Variants in CPNE2 observed in about 807,000 individuals in gnomAD.
The protein encoded by CPNE2 is copine 2.
CPNE2 carries 42 observed loss-of-function variants against 69.7 expected under a neutral mutation model. The observed-to-expected ratio is 0.60, with a 90% CI of 0.47 to 0.78. CPNE2 has a LOEUF of 0.78. Among genes scored for constraint, CPNE2 ranks in the 30% least tolerant of loss-of-function variants. The pLI is 0.00. For missense variants in CPNE2, 587 were observed against 732.0 expected, an observed-to-expected ratio of 0.80 and a Z score of 2.29; for synonymous variants, 294 against 289.8, an observed-to-expected ratio of 1.01 and a Z score of -0.15.
chr16:57,118,332 A>ATTTTT lies in CPNE2; in HGVS notation c.507+775_507+779dup, dbSNP rs61283121. 5.4e-3 allele frequency among the ~76,000 whole-genome samples: 736 copies of ATTTTT among 136,576 alleles called. 9 individuals carry two copies. Among genetic ancestry groups the ATTTTT allele is most frequent in the African/African-American group, 8.6e-3 (321 of 37,282 alleles). The allele number at this position is 136,576 out of a possible 152,430, so 89.6% of individuals were successfully genotyped here. A position where few individuals can be genotyped will look rare whatever the true frequency, so the allele number is the denominator to read the frequency against. ...AGGCGCCTGCCACCACGCCCAGCTA[A>ATTTTT]TTTTTTTTTTTTTTGTACTTTTAGT... On this transcript the variant is annotated intron_variant, in intron 5 of 15. Transcript: ENST00000290776.
chr16:57,128,839 T>C (rs1405676210), intron 12 of CPNE2, among the ~76,000 whole-genome samples: 1 of 152,162 alleles, frequency 6.6e-6, no homozygotes, highest in Non-Finnish European at 1.5e-5. Context: ...AGCTCCGTCT[T>C]ATAAGGGAGA....
chr16:57,110,956 G>T, intron 2 of CPNE2, 34 bp downstream of exon 2: 3 of 1,586,042 alleles, frequency 1.9e-6, no homozygotes. Flanking sequence ...GGTGGGTAAG[G>T]GGGTGGCTAG....
At chr16:57,144,498 C>G (rs1432482790) in intron 14 of CPNE2, 1 of 152,274 alleles carries the variant, frequency 6.6e-6, no homozygotes, top group African/African-American at 2.4e-5. Flanking sequence ...GCTCCATGAC[C>G]TTGACTAGTC....
chr16:57,123,253 T>G, intron 9 of CPNE2, 161 bp from the exon 10 acceptor site: 1 of 700,152 alleles, frequency 1.4e-6, no homozygotes, highest in Non-Finnish European at 2.5e-6. Flanking sequence ...ACTGAAGGCT[T>G]TGTTATAGAG....
intron 14 of CPNE2, among the ~76,000 whole-genome samples, chr16:57,138,196 G>A (rs368827680): frequency 1.4e-3 from 209 of 152,218 alleles, no homozygotes; most frequent in African/African-American, 4.7e-3. Flanking sequence ...GGGAGACCTC[G>A]GCCAGCCCCC....
chr16:57,112,442 C>T (rs2069687604), intron 2 of CPNE2, among the ~76,000 whole-genome samples: 1 of 152,148 alleles, frequency 6.6e-6, no homozygotes, highest in Admixed American at 6.5e-5. Flanking sequence ...CCTCTGCCCC[C>T]ACCCAGGCCA....
chr16:57,142,413 G>A (rs2069928906), intron 14 of CPNE2: 1 of 152,520 alleles, frequency 6.6e-6, no homozygotes, highest in African/African-American at 2.4e-5. Context: ...GAGGTTTGGT[G>A]TGTGGGTGTA....
intron 9 of CPNE2, 50 bp downstream of exon 9, chr16:57,121,810 C>T: frequency 1.3e-6 from 2 of 1,525,184 alleles, no homozygotes; most frequent in South Asian, 2.2e-5. Flanking sequence ...TCAGGCCACA[C>T]AGAAGGGACA....
chr16:57,124,006 C>A (rs2145262211), intron 10 of CPNE2: 1 of 174,114 alleles, frequency 5.7e-6, no homozygotes, highest in South Asian at 1.2e-4. Context: ...GGTCACCTTC[C>A]AGGGAGCCCT....
chr16:57,130,706 C>T lies in CPNE2; in HGVS notation c.1116+2803C>T, dbSNP rs1375746842. On this transcript the variant is annotated intron_variant, in intron 12 of 15. Transcript: ENST00000290776. The surrounding 1 kb of genome is among the most constrained non-coding windows in gnomAD (Gnocchi z 4.1). The stretch of plus-strand genomic sequence containing the variant: ...CTGGTGAGGTAAGGCTGAGAAGAGA[C>T]CATCCGTTTCACTGACCATGGCTGG... Among the ~76,000 whole-genome samples the T allele has an allele frequency of 3.3e-5, 5 of 151,856 alleles. No individual in the cohort carries two copies. Among genetic ancestry groups the T allele is most frequent in the Non-Finnish European group, 7.4e-5 (5 of 67,996 alleles).
At chr16:57,125,223 C>T in intron 10 of CPNE2, 6 of 452,014 alleles carry the variant, frequency 1.3e-5, no homozygotes, top group South Asian at 7.8e-5. Context: ...TCCCTGCCTG[C>T]CCATCAGCCC....
intron 11 of CPNE2, 71 bp downstream of exon 11, chr16:57,126,064 C>T (rs2069798986): frequency 6.3e-7 from 1 of 1,574,938 alleles, no homozygotes; most frequent in African/African-American, 1.3e-5. Context: ...TGTATCAAAG[C>T]TAGAAGGGAC....
intron 10 of CPNE2, chr16:57,124,657 A>C (rs1597499503): frequency 3.7e-6 from 1 of 268,046 alleles, no homozygotes; most frequent in Admixed American, 4.6e-5. Flanking sequence ...TTGCTTCCTC[A>C]CCCCAAGGGA....
chr16:57,119,351 G>A, intron 6 of CPNE2, 73 bp downstream of exon 6: 2 of 1,495,742 alleles, frequency 1.3e-6, no homozygotes, highest in Admixed American at 1.7e-5. Flanking sequence ...TCTGAAAAAG[G>A]GAGGTGCGGT....
chr16:57,128,354 C>T (rs1274613857), intron 12 of CPNE2, among the ~76,000 whole-genome samples: 1 of 152,058 alleles, frequency 6.6e-6, no homozygotes, highest in Non-Finnish European at 1.5e-5. Flanking sequence ...CTCAGCCTCC[C>T]GAGTAGCTGG....
chr16:57,137,251 C>T lies in CPNE2; in HGVS notation c.1271C>T (p.Ala424Val), dbSNP rs781251606. 8.7e-6 allele frequency: 14 copies of T among 1,614,086 alleles called. No individual in the cohort carries two copies. The highest frequency in any genetic ancestry group is 1.0e-5 in the Non-Finnish European group (12 of 1,180,026). Residue 424 changes from alanine (A) to valine (V), a missense_variant, in exon 14 of 16, where the codon GCG (alanine) becomes GTG (valine). Ala to Val is a moderately conservative substitution (Grantham distance 64). This residue lies in a region of CPNE2 where 185 missense variants were observed against 252.3 expected (regional missense o/e 0.73). Transcript: ENST00000290776. Reference sequence around the variant, plus strand: ...ATCGTCAACCACGTGGCCCGGTTTGCGGCCCAGGCCACACAACAGCGGACG... The same window carrying T: ...ATCGTCAACCACGTGGCCCGGTTTGTGGCCCAGGCCACACAACAGCGGACG... ...SPIVNHVARFAAQATQQRTAT... is the reference protein window; with the variant it reads ...SPIVNHVARFVAQATQQRTAT...
At chr16:57,123,133 G>A (rs558299738) in intron 9 of CPNE2, among the ~76,000 whole-genome samples, 38 of 152,266 alleles carry the variant, frequency 2.5e-4, no homozygotes, top group Non-Finnish European at 5.0e-4. Flanking sequence ...GACACTCTGT[G>A]TCAGGTAACT....
chr16:57,117,654 C>T, intron 5 of CPNE2, 87 bp downstream of exon 5: 2 of 1,423,482 alleles, frequency 1.4e-6, no homozygotes, highest in Non-Finnish European at 2.0e-6. Context: ...GGACCTCGGG[C>T]CACCACCTCC....
At chr16:57,119,090 C>A in intron 5 of CPNE2, 105 bp from the exon 6 acceptor site, 1 of 1,008,046 alleles carries the variant, frequency 9.9e-7, no homozygotes, top group Non-Finnish European at 1.5e-6. Flanking sequence ...CTGCCCACAG[C>A]TCCTATCCTG....
Sources: gnomAD v4.1 joint callset for allele counts (sites outside exome capture counted in the v4.1 genomes callset) on GRCh38, gnomAD v4.1.1 for gene constraint, gnomAD v4.1.1 regional missense constraint, Gnocchi (gnomAD v3.1) non-coding constraint, MANE v1.5 for transcripts, NCBI Gene and HGNC (gene_info 2026-07-23, HGNC 2026-07-21) for gene names.